The following ATP8B4 variants were observed in gnomAD, a reference collection of about 807,000 sequenced individuals.
The protein encoded by ATP8B4 is ATPase phospholipid transporting 8B4 (putative), also known as probable phospholipid-transporting ATPase IM.
Under a neutral mutation model 145.6 loss-of-function variants are expected in ATP8B4, and 133 were observed. The ratio of observed to expected loss-of-function variants is 0.91; its 90% CI spans 0.79 to 1.05. The LOEUF (loss-of-function observed/expected upper bound fraction) is 1.05. ATP8B4 is among the 50% of genes least tolerant of loss of function. The probability of loss-of-function intolerance (pLI) is 0.00; values close to 1 mark genes in which losing one functional copy is unlikely to be tolerated. For synonymous variants in ATP8B4, 507 were observed against 492.9 expected, an observed-to-expected ratio of 1.03 and a Z score of -0.38; for missense variants, 1,458 against 1,425.2, an observed-to-expected ratio of 1.02 and a Z score of -0.37.
intron 6 of ATP8B4, among the ~76,000 whole-genome samples, chr15:50,031,809 A>G (rs1266520222): frequency 6.6e-6 from 1 of 152,170 alleles, no homozygotes; most frequent in African/African-American, 2.4e-5. Flanking sequence ...GAAGGTGGGA[A>G]CAGGTCCTTC....
intron 3 of ATP8B4, among the ~76,000 whole-genome samples, chr15:50,068,691 G>A (rs549252908): frequency 1.1e-4 from 16 of 152,214 alleles, no homozygotes; most frequent in African/African-American, 3.6e-4. Context: ...GGCAGGGTAA[G>A]TTTCTCATCA....
chr15:50,024,975 A>G (rs2049893650), intron 6 of ATP8B4, among the ~76,000 whole-genome samples: 2 of 152,212 alleles, frequency 1.3e-5, no homozygotes. Context: ...CACACAATAT[A>G]TGAATACTTC....
intron 1 of ATP8B4, among the ~76,000 whole-genome samples, chr15:50,165,183 G>T (rs567249707): frequency 2.4e-4 from 37 of 152,084 alleles, no homozygotes; most frequent in African/African-American, 8.9e-4. Flanking sequence ...TCAAGTAGCT[G>T]GGATTACAGG....
intron 23 of ATP8B4, among the ~76,000 whole-genome samples, chr15:49,887,340 C>T (rs2036309217): frequency 1.3e-5 from 2 of 151,990 alleles, no homozygotes; most frequent in Admixed American, 1.3e-4. Flanking sequence ...ACTCTACCAC[C>T]TCTTCTTCCC....
At chr15:49,961,602 T>G (rs931733093) in intron 14 of ATP8B4, among the ~76,000 whole-genome samples, 21 of 152,120 alleles carry the variant, frequency 1.4e-4, no homozygotes, top group Non-Finnish European at 2.5e-4. Context: ...CATTCAGCCA[T>G]TAAAAAGAAC....
intron 12 of ATP8B4, among the ~76,000 whole-genome samples, chr15:49,979,172 A>C (rs1190552518): frequency 2.0e-5 from 3 of 152,100 alleles, no homozygotes; most frequent in Non-Finnish European, 2.9e-5. Context: ...CTGAGGCACT[A>C]GAAGATGAAG....
chr15:50,137,242 C>T (rs531008719), intron 1 of ATP8B4, among the ~76,000 whole-genome samples: 14 of 152,320 alleles, frequency 9.2e-5, no homozygotes, highest in African/African-American at 3.4e-4. Context: ...CAATGGGTTA[C>T]CCAAGTGGAG....
At position 49,862,236 on chromosome 15, in the gene ATP8B4, G is replaced by A. The variant is rs1434852349; in HGVS notation, c.3297+9C>T. ...CAGCCTTCAAGTATTCATCAGCACT[G>A]TGACATACCTGATCACTCAGGGTTG... On this transcript the variant is annotated intron_variant, in intron 27 of 27. Transcript: ENST00000284509. 1 of 1,612,362 alleles carries A rather than the reference G, an allele frequency of 6.2e-7. No individual in the cohort carries two copies. The highest frequency in any genetic ancestry group is 8.5e-7 in the Non-Finnish European group (1 of 1,178,960).
intron 2 of ATP8B4, among the ~76,000 whole-genome samples, chr15:50,094,688 A>G (rs1314394348): frequency 6.6e-5 from 9 of 136,392 alleles, no homozygotes; most frequent in Non-Finnish European, 1.3e-4. Context: ...ATTTGTATAT[A>G]TGTGTGTGTG....
chr15:49,892,744 A>G (rs1360957706), intron 23 of ATP8B4, among the ~76,000 whole-genome samples: 2 of 152,236 alleles, frequency 1.3e-5, no homozygotes, highest in Non-Finnish European at 2.9e-5. Flanking sequence ...CATTGACTCT[A>G]AAGCACAATT....
intron 13 of ATP8B4, 103 bp from the exon 14 acceptor site, chr15:49,962,123 T>C: frequency 1.2e-6 from 1 of 815,016 alleles, no homozygotes. Context: ...TCACCATTAC[T>C]AAATGGCATT....
intron 10 of ATP8B4, among the ~76,000 whole-genome samples, chr15:49,984,520 T>C (rs1297831209): frequency 2.0e-5 from 3 of 152,162 alleles, no homozygotes; most frequent in Non-Finnish European, 4.4e-5. Flanking sequence ...GAATGGCTAC[T>C]GGACCCTAAG....
chr15:49,901,015 G>T (rs2037965242), intron 21 of ATP8B4, 77 bp downstream of exon 21: 1 of 1,497,968 alleles, frequency 6.7e-7, no homozygotes, highest in South Asian at 1.3e-5. Context: ...GACAAAGGAG[G>T]TCTCATTATG....
At chr15:49,933,755 TC>T (rs1162486530) in intron 15 of ATP8B4, among the ~76,000 whole-genome samples, 1 of 152,114 alleles carries the variant, frequency 6.6e-6, no homozygotes, top group Non-Finnish European at 1.5e-5. Context: ...ATTTGGGTCC[TC>T]ACTTTTCCAT....
chr15:50,034,096 G>A (rs987275848), intron 6 of ATP8B4, among the ~76,000 whole-genome samples: 1 of 152,094 alleles, frequency 6.6e-6, no homozygotes, highest in South Asian at 2.1e-4. Context: ...AAATTGCTGG[G>A]TCAAATAGTA....
intron 2 of ATP8B4, among the ~76,000 whole-genome samples, chr15:50,094,152 A>G (rs552753550): frequency 6.6e-6 from 1 of 152,276 alleles, no homozygotes; most frequent in East Asian, 1.9e-4. Context: ...GTCTTTCTGC[A>G]TGAGATCAAC....
chr15:50,061,261 A>T (rs544731259), intron 3 of ATP8B4, among the ~76,000 whole-genome samples: 1 of 152,282 alleles, frequency 6.6e-6, no homozygotes, highest in Non-Finnish European at 1.5e-5. Context: ...AAATAAAAAG[A>T]TCAGATCAAG....
At chr15:49,901,050 C>T in intron 21 of ATP8B4, 42 bp downstream of exon 21, 1 of 1,594,572 alleles carries the variant, frequency 6.3e-7, no homozygotes, top group Non-Finnish European at 8.6e-7. Context: ...ATGATTATTG[C>T]AGTGAAGAAA....
intron 9 of ATP8B4, among the ~76,000 whole-genome samples, chr15:49,992,347 AAAGT>A (rs1165954703): frequency 1.3e-5 from 2 of 152,162 alleles, no homozygotes; most frequent in African/African-American, 4.8e-5. Context: ...AAGCTCTATA[AAAGT>A]AAGGCCTGAG....
Sources: gnomAD v4.1 joint callset for allele counts (sites outside exome capture counted in the v4.1 genomes callset) on GRCh38, gnomAD v4.1.1 for gene constraint, MANE v1.5 for transcripts, NCBI Gene and HGNC (gene_info 2026-07-23, HGNC 2026-07-21) for gene names.